Variants in GCN1 observed in about 807,000 individuals in gnomAD.
The protein encoded by GCN1 is stalled ribosome sensor GCN1.
Under a neutral mutation model 288.4 loss-of-function variants are expected in GCN1, and 90 were observed. The ratio of observed to expected loss-of-function variants is 0.31; its 90% CI spans 0.26 to 0.37. The LOEUF (loss-of-function observed/expected upper bound fraction) is 0.37, where lower values mean the gene tolerates loss of function less well. Ranked by LOEUF, GCN1 falls within the 10% of genes least tolerant of loss-of-function variation. The pLI, the probability that GCN1 is intolerant of heterozygous loss-of-function variation, is 1.00. For missense variants in GCN1, 2,586 were observed against 3,419.9 expected, an observed-to-expected ratio of 0.76 and a Z score of 6.08; for synonymous variants, 1,386 against 1,420.2, an observed-to-expected ratio of 0.98 and a Z score of 0.54.
intron 53 of GCN1, among the ~76,000 whole-genome samples, chr12:120,132,273 T>C (rs1566296447): frequency 6.6e-6 from 1 of 151,760 alleles, no homozygotes; most frequent in Non-Finnish European, 1.5e-5. Flanking sequence ...TGTGTATGCA[T>C]ATGGTAATCA....
intron 18 of GCN1, among the ~76,000 whole-genome samples, chr12:120,163,727 T>C (rs1878010376): frequency 1.3e-5 from 2 of 152,250 alleles, no homozygotes; most frequent in South Asian, 4.1e-4. Context: ...CTATTTGCCT[T>C]TGAAACGCAT....
intron 53 of GCN1, among the ~76,000 whole-genome samples, chr12:120,133,408 G>A (rs1876895757): frequency 6.6e-6 from 1 of 152,170 alleles, no homozygotes; most frequent in Non-Finnish European, 1.5e-5. Flanking sequence ...CAGACTAGGT[G>A]AGGCTGATGG....
chr12:120,176,489 AC>A (rs1878485764), intron 9 of GCN1, among the ~76,000 whole-genome samples: 1 of 152,144 alleles, frequency 6.6e-6, no homozygotes, highest in African/African-American at 2.4e-5. Context: ...TTCAAGTGCC[AC>A]CTCCATACTA....
chr12:120,144,782 G>T lies in GCN1; in HGVS notation c.5209C>A (p.Pro1737Thr). ...LGVEKLEKLMPEIVATASKVD... is the reference protein window; with the variant it reads ...LGVEKLEKLMTEIVATASKVD... The stretch of plus-strand genomic sequence containing the variant: ...TTGCTGGCTGTAGCCACGATTTCTG[G>T]CATCAACTTCTCCAACTTCTCCACC... The change falls in exon 41 of 58, where the codon CCA becomes ACA. Residue 1737 changes from proline to threonine, a missense_variant. By Grantham distance (38) the Pro-to-Thr change is conservative. Coordinates refer to ENST00000300648, the MANE Select transcript of GCN1 (RefSeq NM_006836.2). This position sits in a 1 kb window ranked among gnomAD's most constrained non-coding sequence, Gnocchi z 4.7. 6.2e-7 allele frequency: 1 copy of T among 1,614,116 alleles called. No individual in the cohort carries two copies. Among genetic ancestry groups the T allele is most frequent in the Non-Finnish European group, 8.5e-7 (1 of 1,179,978 alleles).
In GCN1 at chr12:120,174,087, C is replaced by A. The variant is rs747417921; in HGVS notation, c.1176G>T (p.Pro392=). 6.3e-7 allele frequency: 1 copy of A among 1,590,324 alleles called. No individual in the cohort carries two copies. The highest frequency in any genetic ancestry group is 1.1e-5 in the South Asian group (1 of 90,622). The change falls in exon 13 of 58, where the codon CCG becomes CCT. Residue 392 remains proline, a synonymous_variant. Transcript: ENST00000300648. ...LNGIVAELFI[P]FLQQEVHEGT... is the part of the protein sequence containing the mutation. ...CAGAATTACCTTCCTGCTGAAGGAA[C>A]GGGATGAACAGCTCAGCCACGATCC...
intron 26 of GCN1, chr12:120,157,225 G>A: frequency 2.1e-6 from 1 of 475,304 alleles, no homozygotes. Context: ...TTCACACTAT[G>A]AAATCCAGAA....
chr12:120,149,663 G>C lies in GCN1; in HGVS notation c.4489C>G (p.Leu1497Val), dbSNP rs1266593232. Residue 1497 changes from leucine to valine, a missense_variant, in exon 36 of 58, where the codon CTG becomes GTG. Physicochemically the swap from Leu to Val is conservative, Grantham distance 32. Coordinates refer to ENST00000300648, the MANE Select transcript of GCN1 (RefSeq NM_006836.2). ...GCAGCCAGTAAGGAGGGGAGCACCA[G>C]CTTCACCCCGTGAGCACTCAAGTTG... ...MSNLSAHGVK[L>V]VLPSLLAALE... 8 of 1,614,082 alleles carry C rather than the reference G, an allele frequency of 5.0e-6. No individual in the cohort carries two copies. The highest frequency in any genetic ancestry group is 2.2e-5 in the East Asian group (1 of 44,880).
In GCN1 at chr12:120,184,104, C is replaced by A; in HGVS notation, c.317+8G>T. ...AATTCTCAGGGGGCCACAACTTTTA[C>A]CTCTTACCTGGGAACACCTGCTTTG... is the stretch of plus-strand genomic sequence containing the variant. On this transcript the variant is annotated splice_region_variant and intron_variant, in intron 4 of 57. Transcript: ENST00000300648. 2 of 1,609,912 alleles carry A rather than the reference C, an allele frequency of 1.2e-6. No homozygotes were observed. The highest frequency in any genetic ancestry group is 1.7e-6 in the Non-Finnish European group (2 of 1,177,386).
At chr12:120,181,465 C>CAAAAAAA (rs71072594) in intron 5 of GCN1, among the ~76,000 whole-genome samples, 23,723 of 71,992 alleles carry the variant, frequency 0.33, 4,664 homozygotes, top group South Asian at 0.4. Context: ...ATCTTTGTCT[C>CAAAAAAA]AAAAAAAAAA....
intron 16 of GCN1, among the ~76,000 whole-genome samples, chr12:120,167,099 G>A (rs918929984): frequency 2.6e-5 from 4 of 152,054 alleles, no homozygotes; most frequent in Admixed American, 6.5e-5. Context: ...CAGCACTTTG[G>A]GAGGCCGAGG....
chr12:120,164,142 GAA>G (rs893977177), intron 18 of GCN1, among the ~76,000 whole-genome samples, 192 bp downstream of exon 18: 1 of 152,052 alleles, frequency 6.6e-6, no homozygotes, highest in African/African-American at 2.4e-5. Flanking sequence ...AGCTACATGT[GAA>G]AAAAAGTCTC....
Position 120,155,386 on chromosome 12 carries a change from G to T in GCN1, c.3485C>A (p.Ser1162Tyr). 1 of 1,614,096 alleles carries T rather than the reference G, an allele frequency of 6.2e-7. No homozygotes were observed. The highest frequency in any genetic ancestry group is 1.1e-5 in the South Asian group (1 of 91,082). Residue 1162 changes from serine to tyrosine, a missense_variant, in exon 30 of 58, where the codon TCC (serine) becomes TAC (tyrosine). Physicochemically the swap from Ser to Tyr is moderately radical, Grantham distance 144. Around this residue, in one of 8 missense-constraint regions of GCN1, gnomAD observed 332 missense variants for 403.0 expected, o/e 0.82. Transcript: ENST00000300648. This position sits in a 1 kb window ranked among gnomAD's most constrained non-coding sequence, Gnocchi z 4.9. Reference protein sequence around the residue: ...MGLDLQPDLCSLLIDDVIYHE... With the variant: ...MGLDLQPDLCYLLIDDVIYHE... ...ATAGATCACGTCGTCAATCAGCAAG[G>T]AGCAGAGGTCTGGCTGCAGGTCTAG... is the stretch of plus-strand genomic sequence containing the variant.
At chr12:120,148,123 G>T in intron 37 of GCN1, 44 bp downstream of exon 37, 1 of 1,466,598 alleles carries the variant, frequency 6.8e-7, no homozygotes, top group Non-Finnish European at 9.4e-7. Flanking sequence ...AGGCTGCGGC[G>T]TTGGTGGGAG....
intron 45 of GCN1, among the ~76,000 whole-genome samples, chr12:120,139,533 C>T (rs1417705018): frequency 1.3e-5 from 2 of 151,972 alleles, no homozygotes; most frequent in Admixed American, 6.6e-5. Flanking sequence ...GAGGCCATAG[C>T]GAGAGGATCA....
Position 120,163,188 on chromosome 12 carries a change from T to C in GCN1, c.1920A>G (p.Pro640=), listed in dbSNP as rs1162314589. 1 of 1,613,746 alleles carries C rather than the reference T, an allele frequency of 6.2e-7. No homozygotes were observed. Among genetic ancestry groups the C allele is most frequent in the Admixed American group, 1.7e-5 (1 of 60,036 alleles). ...CACACAGAGCCTCCTGCAGGACCCG[T>C]GGAGGCACGTAGGCCTTGCCTGCCT... ...VTEAGKAYVP[P]RVLQEALCVI... is the part of the protein sequence containing the mutation. The change falls in exon 19 of 58, where the codon CCA becomes CCG. Residue 640 remains proline (P), a synonymous_variant. Coordinates refer to ENST00000300648, the MANE Select transcript of GCN1 (RefSeq NM_006836.2).
In GCN1 at chr12:120,153,706, A is replaced by G; in HGVS notation, c.3867+38T>C. ...CTCCTTAGCGGGCTGGGACCCCCTT[A>G]CCTTCCCGTGGGTGTTCCCTGGCTG... On this transcript the variant is annotated intron_variant, in intron 32 of 57. Coordinates refer to ENST00000300648, the MANE Select transcript of GCN1 (RefSeq NM_006836.2). This position sits in a 1 kb window ranked among gnomAD's most constrained non-coding sequence, Gnocchi z 4.4. 2 of 1,598,500 alleles carry G rather than the reference A, an allele frequency of 1.3e-6. No homozygotes were observed. Among genetic ancestry groups the G allele is most frequent in the Non-Finnish European group, 1.7e-6 (2 of 1,168,812 alleles).
rs191621547 is a variant in GCN1 at position 120,134,652 on chromosome 12, C to G, written c.7083G>C (p.Arg2361=). The G allele has an allele frequency of 5.0e-6, 8 of 1,613,926 alleles. No individual in the cohort carries two copies. The highest frequency in any genetic ancestry group is 5.9e-6 in the Non-Finnish European group (7 of 1,180,032). Residue 2361 remains arginine, a synonymous_variant, in exon 52 of 58, where the codon CGG becomes CGC. Transcript: ENST00000300648. This position sits in a 1 kb window ranked among gnomAD's most constrained non-coding sequence, Gnocchi z 5.0. ...CATCTGCGGCCTTCAGGCGCACCCC[C>G]CGGTTGGAGTCCTGCAGGGCTTTGG... ...TFTKALQDSN[R]GVRLKAADAL...
chr12:120,177,690 G>A lies in GCN1; in HGVS notation c.723C>T (p.Tyr241=), dbSNP rs1421746669. 12 of 1,612,170 alleles carry A rather than the reference G, an allele frequency of 7.4e-6. No homozygotes were observed. Among genetic ancestry groups the A allele is most frequent in the Middle Eastern group, 3.3e-4 (2 of 6,060 alleles). ...ILMSKVKPPK[Y]LLDSCAPLLR... is the part of the protein sequence containing the mutation. Reference sequence around the variant, plus strand: ...ACGTCCACCTCTCGCTCACCAACAGGTACTTCGGAGGCTTGACTTTGCTCA... The same window carrying A: ...ACGTCCACCTCTCGCTCACCAACAGATACTTCGGAGGCTTGACTTTGCTCA... The change falls in exon 8 of 58, where the codon TAC becomes TAT. Residue 241 remains tyrosine (Y), a synonymous_variant. Coordinates refer to ENST00000300648, the MANE Select transcript of GCN1 (RefSeq NM_006836.2).
intron 37 of GCN1, 89 bp downstream of exon 37, chr12:120,148,078 T>G: frequency 1.1e-6 from 1 of 901,372 alleles, no homozygotes; most frequent in South Asian, 1.7e-5. Context: ...GCAAAGATCT[T>G]AGCTGAATGG....
Sources: allele counts gnomAD v4.1 joint callset (sites outside exome capture counted in the v4.1 genomes callset), GRCh38; gene constraint gnomAD v4.1.1; regional missense constraint gnomAD v4.1.1; non-coding constraint Gnocchi (gnomAD v3.1); transcripts MANE v1.5; gene names NCBI Gene and HGNC (gene_info 2026-07-23, HGNC 2026-07-21).